Variants in PHLPP1 observed in about 807,000 individuals in gnomAD.
The protein encoded by PHLPP1 is PH domain and leucine rich repeat protein phosphatase 1.
PHLPP1 carries 42 observed loss-of-function variants against 117.2 expected under a neutral mutation model. The ratio of observed to expected loss-of-function variants is 0.36; its 90% CI spans 0.28 to 0.46. The LOEUF (loss-of-function observed/expected upper bound fraction) is 0.46. Among genes scored for constraint, PHLPP1 ranks in the 20% least tolerant of loss-of-function variants. The pLI is 1.00. For missense variants in PHLPP1, 2,084 were observed against 2,241.9 expected (o/e 0.93, Z 1.42); for synonymous variants, 1,042 against 970.7 (o/e 1.07, Z -1.37).
intron 1 of PHLPP1, among the ~76,000 whole-genome samples, chr18:62,734,554 ACAC>A (rs1358176763): frequency 1.3e-5 from 2 of 152,208 alleles, no homozygotes; most frequent in African/African-American, 4.8e-5. Flanking sequence ...GTGGATGACA[ACAC>A]TGGAAAATGA....
chr18:62,912,880 C>G (rs1916996804), intron 8 of PHLPP1, among the ~76,000 whole-genome samples: 1 of 152,210 alleles, frequency 6.6e-6, no homozygotes, highest in Non-Finnish European at 1.5e-5. Flanking sequence ...CTTGGCCTCC[C>G]AAAGGGCTGG....
chr18:62,940,365 T>C (rs1599132536), intron 10 of PHLPP1, among the ~76,000 whole-genome samples: 2 of 122,174 alleles, frequency 1.6e-5, no homozygotes, highest in African/African-American at 6.3e-5. Context: ...TTTTTTTTTT[T>C]TTTTTTTTTT....
chr18:62,792,947 G>T (rs1042186482), intron 1 of PHLPP1, among the ~76,000 whole-genome samples: 3 of 151,902 alleles, frequency 2.0e-5, no homozygotes, highest in African/African-American at 7.3e-5. Flanking sequence ...GGCTGAGGTG[G>T]GTGGATCACC....
intron 1 of PHLPP1, among the ~76,000 whole-genome samples, chr18:62,758,516 GA>G (rs1274519562): frequency 6.6e-6 from 1 of 151,998 alleles, no homozygotes; most frequent in East Asian, 1.9e-4. Context: ...GGTAGTCACA[GA>G]AACCCCTAAT....
At position 62,768,722 on chromosome 18, in the gene PHLPP1, AATC is replaced by A. The variant is rs548473790; in HGVS notation, c.1576+51465_1576+51467del. On this transcript the variant is annotated intron_variant, in intron 1 of 16. Transcript: ENST00000262719. ...TGCTCTAGGCATTCTCAGTGACAAT[AATC>A]AAACCATTATGTAGGTGGGGAGGAG... Among the ~76,000 whole-genome samples, 238 of 152,344 alleles carry A rather than the reference AATC, an allele frequency of 1.6e-3. 1 individual carries two copies. Among genetic ancestry groups the A allele is most frequent in the African/African-American group, 5.5e-3 (228 of 41,580 alleles).
In PHLPP1 at chr18:62,765,386, T is replaced by C. The variant is rs567455180; in HGVS notation, c.1576+48127T>C. ...TCTCCAAAGAGGGGCGCTGGCATAA[T>C]AGGAGGTATGCAAATAAGTACATTT... On this transcript the variant is annotated intron_variant, in intron 1 of 16. Coordinates refer to ENST00000262719, the MANE Select transcript of PHLPP1 (RefSeq NM_194449.4). 6.6e-5 allele frequency among the ~76,000 whole-genome samples: 10 copies of C among 152,312 alleles called. 1 individual carries two copies. In the South Asian group the frequency reaches 1.5e-3, roughly 22 times the overall value.
chr18:62,743,698 A>AT (rs1221644420), intron 1 of PHLPP1, among the ~76,000 whole-genome samples: 4 of 152,034 alleles, frequency 2.6e-5, no homozygotes, highest in Non-Finnish European at 1.5e-5. Context: ...TAGTAATTGC[A>AT]TTTTTTATGT....
intron 1 of PHLPP1, among the ~76,000 whole-genome samples, chr18:62,722,702 G>A (rs1281267625): frequency 6.6e-6 from 1 of 152,084 alleles, no homozygotes; most frequent in Admixed American, 6.5e-5. Flanking sequence ...AGATATATTA[G>A]ATATTTATAA....
chr18:62,776,240 G>A (rs889071007), intron 1 of PHLPP1, among the ~76,000 whole-genome samples: 9 of 152,182 alleles, frequency 5.9e-5, no homozygotes, highest in Non-Finnish European at 2.9e-5. Flanking sequence ...ACTCAGACAG[G>A]AATTGATGTT....
intron 3 of PHLPP1, among the ~76,000 whole-genome samples, chr18:62,844,146 A>G (rs948980019): frequency 1.3e-5 from 2 of 152,106 alleles, no homozygotes; most frequent in African/African-American, 4.8e-5. Context: ...TAGGAGTTCA[A>G]GACCAGCCTG....
intron 12 of PHLPP1, among the ~76,000 whole-genome samples, chr18:62,953,934 C>G (rs1308917980): frequency 2.0e-5 from 3 of 152,110 alleles, no homozygotes; most frequent in Non-Finnish European, 4.4e-5. Flanking sequence ...GCAGTACAGG[C>G]AGCTATTTGG....
intron 4 of PHLPP1, among the ~76,000 whole-genome samples, chr18:62,894,651 C>T (rs1019735657): frequency 6.6e-5 from 10 of 152,226 alleles, no homozygotes; most frequent in East Asian, 1.9e-4. Flanking sequence ...GAAGGGCTAA[C>T]GCCAGCTCTG....
At chr18:62,832,090 C>CTT (rs1914774607) in intron 2 of PHLPP1, 1 of 152,240 alleles carries the variant, frequency 6.6e-6, no homozygotes, top group South Asian at 2.1e-4. Flanking sequence ...CAGTCTCTCT[C>CTT]TTTGTGATGC....
At chr18:62,865,681 A>G (rs1482003288) in intron 4 of PHLPP1, among the ~76,000 whole-genome samples, 2 of 152,222 alleles carry the variant, frequency 1.3e-5, no homozygotes, top group African/African-American at 4.8e-5. Context: ...GGTACTTAAT[A>G]TACCATGGAA....
intron 1 of PHLPP1, among the ~76,000 whole-genome samples, chr18:62,768,515 GTTTC>G (rs1308285227): frequency 6.6e-6 from 1 of 152,074 alleles, no homozygotes; most frequent in Non-Finnish European, 1.5e-5. Flanking sequence ...TACAACAAAA[GTTTC>G]TTTAACAACC....
At chr18:62,824,857 T>C (rs938323486) in intron 1 of PHLPP1, among the ~76,000 whole-genome samples, 7 of 152,130 alleles carry the variant, frequency 4.6e-5, no homozygotes, top group Non-Finnish European at 7.4e-5. Flanking sequence ...TTCAGTTTTC[T>C]TAAAGTTTTA....
In PHLPP1 at chr18:62,894,652, G is replaced by T. The variant is rs531222442; in HGVS notation, c.2067-359G>T. On this transcript the variant is annotated intron_variant, in intron 4 of 16. Transcript: ENST00000262719. ...CAGCACCGACTCCAGAAGGGCTAACGCCAGCTCTGCCTGGTCCCTTTCCTC... is the reference window on the plus strand; with the variant it reads ...CAGCACCGACTCCAGAAGGGCTAACTCCAGCTCTGCCTGGTCCCTTTCCTC... Among the ~76,000 whole-genome samples the T allele has an allele frequency of 6.8e-4, 103 of 152,314 alleles. 1 individual carries two copies. The highest frequency in any genetic ancestry group is 1.3e-3 in the Non-Finnish European group (91 of 68,022).
At chr18:62,777,471 A>G (rs142742553) in intron 1 of PHLPP1, among the ~76,000 whole-genome samples, 51 of 150,492 alleles carry the variant, frequency 3.4e-4, no homozygotes, top group African/African-American at 9.2e-4. Flanking sequence ...ATTTTATCCT[A>G]TTCTGTGGTT....
At chr18:62,944,680 T>G (rs531308823) in intron 11 of PHLPP1, among the ~76,000 whole-genome samples, 49 of 152,352 alleles carry the variant, frequency 3.2e-4, no homozygotes, top group African/African-American at 1.1e-3. Context: ...AGACCTGTTC[T>G]CTACCTCCCC....
Sources: gnomAD v4.1 joint callset for allele counts (sites outside exome capture counted in the v4.1 genomes callset) on GRCh38, gnomAD v4.1.1 for gene constraint, MANE v1.5 for transcripts, NCBI Gene and HGNC (gene_info 2026-07-23, HGNC 2026-07-21) for gene names.